SPATA16: variants seen among roughly 807,000 people sequenced by gnomAD.
SPATA16 encodes spermatogenesis-associated protein 16.
Under a neutral mutation model 63.3 loss-of-function variants are expected in SPATA16, and 36 were observed. The ratio of observed to expected loss-of-function variants is 0.57; its 90% confidence interval spans 0.44 to 0.75. The LOEUF is 0.75. Ranked by LOEUF, SPATA16 falls within the 30% of genes least tolerant of loss-of-function variation. The probability of loss-of-function intolerance (pLI) is 0.00; values close to 1 mark genes in which losing one functional copy is unlikely to be tolerated. For synonymous variants in SPATA16, 203 were observed against 216.7 expected (o/e 0.94, Z 0.56); for missense variants, 646 against 679.3 (o/e 0.95, Z 0.54).
intron 10 of SPATA16, among the ~76,000 whole-genome samples, chr3:172,897,817 T>C (rs1560060324): frequency 6.6e-6 from 1 of 152,090 alleles, no homozygotes; most frequent in Non-Finnish European, 1.5e-5. Context: ...TGAAAGCTAA[T>C]ATCCTTTCCC....
intron 2 of SPATA16, among the ~76,000 whole-genome samples, chr3:173,068,868 T>C (rs1577158317): frequency 6.8e-6 from 1 of 148,018 alleles, no homozygotes; most frequent in African/African-American, 2.5e-5. Flanking sequence ...CCCAGCACTT[T>C]GGAAGGCCGA....
Position 173,025,049 on chromosome 3 carries a change from G to T in SPATA16, c.759-5474C>A, listed in dbSNP as rs567873260. The stretch of plus-strand genomic sequence containing the variant: ...GGACAGCATTGTTCAATTTCAAAAG[G>T]GTATTTTTTTCTTATAACTTTTACT... On this transcript the variant is annotated intron_variant, in intron 3 of 10. Coordinates refer to ENST00000351008, the MANE Select transcript of SPATA16 (RefSeq NM_031955.6). Among the ~76,000 whole-genome samples, 5 of 150,510 alleles carry T rather than the reference G, an allele frequency of 3.3e-5. No individual in the cohort carries two copies. The South Asian group carries it at 8.4e-4, about 25-fold the overall frequency.
intron 5 of SPATA16, among the ~76,000 whole-genome samples, chr3:172,976,157 T>C (rs987977973): frequency 3.3e-5 from 5 of 152,072 alleles, no homozygotes; most frequent in African/African-American, 9.7e-5. Context: ...AACAATTTCA[T>C]TGGAAATGGG....
rs756850835 is a variant in SPATA16 at position 173,117,208 on chromosome 3, C to T, written c.524G>A (p.Trp175Ter). 2.5e-6 allele frequency: 4 copies of T among 1,614,154 alleles called. No homozygotes were observed. In the South Asian group the frequency reaches 4.4e-5, roughly 18 times the overall value. The change falls in exon 2 of 11, where the codon TGG becomes TAG. Residue 175 changes from tryptophan (W) to a stop codon, truncating the protein, a stop_gained. Coordinates refer to ENST00000351008, the MANE Select transcript of SPATA16 (RefSeq NM_031955.6). LOFTEE classifies it high-confidence loss of function. ...GGCATCCTTTAAGGCTACCTGAAGC[C>T]ATTTGTCAATCTGAGGCAGAAAGCT... Reference protein sequence around the residue: ...NFSFLPQIDKWLQVALKDASS... With the variant: ...NFSFLPQIDK
chr3:173,000,120 GA>G (rs1294460297), intron 4 of SPATA16, among the ~76,000 whole-genome samples: 1 of 152,156 alleles, frequency 6.6e-6, no homozygotes, highest in African/African-American at 2.4e-5. Flanking sequence ...TCCAGAATGG[GA>G]ATAATGTTTT....
intron 2 of SPATA16, among the ~76,000 whole-genome samples, chr3:173,072,166 G>A (rs1042642953): frequency 6.6e-6 from 1 of 152,062 alleles, no homozygotes; most frequent in Non-Finnish European, 1.5e-5. Flanking sequence ...ATAAACCTAG[G>A]TGCCCATAAA....
chr3:173,034,664 G>A (rs1735675865), intron 3 of SPATA16, among the ~76,000 whole-genome samples: 1 of 152,060 alleles, frequency 6.6e-6, no homozygotes, highest in South Asian at 2.1e-4. Flanking sequence ...GTTCCACAAT[G>A]GACATTGTAT....
chr3:173,102,485 A>G (rs73030955), intron 2 of SPATA16, among the ~76,000 whole-genome samples: 5,821 of 152,234 alleles, frequency 0.038, 366 homozygotes, highest in African/African-American at 0.13. Context: ...AGCAGGAGCA[A>G]GTATGTCACA....
At chr3:172,993,929 G>T (rs1229551628) in intron 4 of SPATA16, among the ~76,000 whole-genome samples, 1 of 152,032 alleles carries the variant, frequency 6.6e-6, no homozygotes, top group Middle Eastern at 3.2e-3. Context: ...TTAACTTGTT[G>T]CAGTTCTTGT....
rs148085657 is a variant in SPATA16, at chr3:172,889,484, G to C, written c.*86C>G. 379 of 1,589,046 alleles carry C rather than the reference G, an allele frequency of 2.4e-4. 2 individuals are homozygous for C. In the African/African-American group the frequency reaches 4.3e-3, roughly 18 times the overall value. Reference sequence around the variant, plus strand: ...TTTGGTGACAAGCTTTTGTTATCCAGCTTCACAGTACTAGGTGGGCATTGG... The same window carrying C: ...TTTGGTGACAAGCTTTTGTTATCCACCTTCACAGTACTAGGTGGGCATTGG... On this transcript the variant is annotated 3_prime_UTR_variant, in exon 11 of 11. Transcript: ENST00000351008.
intron 8 of SPATA16, among the ~76,000 whole-genome samples, chr3:172,921,670 A>G (rs1353684707): frequency 6.6e-6 from 1 of 152,228 alleles, no homozygotes; most frequent in Non-Finnish European, 1.5e-5. Flanking sequence ...GGTCTGTAAA[A>G]CAGTCTCTTT....
intron 4 of SPATA16, among the ~76,000 whole-genome samples, chr3:172,998,693 T>A (rs1412657435): frequency 1.3e-5 from 2 of 152,108 alleles, no homozygotes; most frequent in Non-Finnish European, 2.9e-5. Context: ...AGACTTTTTT[T>A]AAAAAATGAA....
At chr3:173,075,008 A>AAAAAAAAAAAAAAAAAAG (rs1560114977) in intron 2 of SPATA16, among the ~76,000 whole-genome samples, 1 of 146,186 alleles carries the variant, frequency 6.8e-6, no homozygotes, top group Non-Finnish European at 1.5e-5. Flanking sequence ...AAAAAAAAAA[A>AAAAAAAAAAAAAAAAAAG]AAAAGGAAAG....
At chr3:173,035,687 C>T (rs1735701211) in intron 3 of SPATA16, among the ~76,000 whole-genome samples, 1 of 151,976 alleles carries the variant, frequency 6.6e-6, no homozygotes, top group Admixed American at 6.6e-5. Flanking sequence ...TGGGAGAATG[C>T]CAAGGATGCT....
chr3:173,097,057 G>A (rs1443561359), intron 2 of SPATA16, among the ~76,000 whole-genome samples: 1 of 152,048 alleles, frequency 6.6e-6, no homozygotes, highest in East Asian at 1.9e-4. Flanking sequence ...GAAAATTCTA[G>A]AAATAAACAT....
chr3:172,940,156 T>C (rs1229983943), intron 6 of SPATA16, among the ~76,000 whole-genome samples: 1 of 152,188 alleles, frequency 6.6e-6, no homozygotes, highest in South Asian at 2.1e-4. Context: ...GTGATATCCC[T>C]TATAATACAC....
chr3:173,042,473 C>G (rs550941770), intron 3 of SPATA16, among the ~76,000 whole-genome samples: 7 of 152,078 alleles, frequency 4.6e-5, no homozygotes, highest in Non-Finnish European at 7.4e-5. Context: ...CGATCCACCC[C>G]CCTTGGCCTC....
chr3:172,956,879 G>T, intron 5 of SPATA16, 55 bp from the exon 6 acceptor site: 3 of 1,593,398 alleles, frequency 1.9e-6, no homozygotes, highest in Admixed American at 1.7e-5. Flanking sequence ...GACTTTTTAA[G>T]AATGTAAAAA....
chr3:173,064,544 T>A (rs1736469636), intron 2 of SPATA16, among the ~76,000 whole-genome samples: 1 of 152,140 alleles, frequency 6.6e-6, no homozygotes, highest in Non-Finnish European at 1.5e-5. Context: ...TGTAATCTTG[T>A]CCACACATCT....
Sources: gnomAD v4.1 joint callset for allele counts (sites outside exome capture counted in the v4.1 genomes callset) on GRCh38, gnomAD v4.1.1 for gene constraint, MANE v1.5 for transcripts, NCBI Gene and HGNC (gene_info 2026-07-23, HGNC 2026-07-21) for gene names.